HAPLN1: variants seen among roughly 807,000 people sequenced by gnomAD.
The protein encoded by HAPLN1 is hyaluronan and proteoglycan link protein 1, also known as Cartilage link protein.
Under a neutral mutation model 36.5 loss-of-function variants are expected in HAPLN1, and 13 were observed. The ratio of observed to expected loss-of-function variants is 0.36; its 90% CI spans 0.23 to 0.57. The LOEUF (loss-of-function observed/expected upper bound fraction) is 0.57, where lower values mean the gene tolerates loss of function less well. Ranked by LOEUF, HAPLN1 falls within the 20% of genes least tolerant of loss-of-function variation. The probability of loss-of-function intolerance (pLI) is 0.83; values close to 1 mark genes in which losing one functional copy is unlikely to be tolerated. For missense variants in HAPLN1, 407 were observed against 439.7 expected (o/e 0.93, Z 0.66); for synonymous variants, 202 against 169.8 (o/e 1.19, Z -1.48).
chr5:83,701,927 A>AACACACACAC (rs112813015), intron 1 of HAPLN1, among the ~76,000 whole-genome samples: 10 of 143,950 alleles, frequency 6.9e-5, no homozygotes, highest in African/African-American at 2.3e-4. Context: ...CTTCGACAAA[A>AACACACACAC]ACACACACAC....
chr5:83,655,094 A>G (rs948437349), intron 2 of HAPLN1, among the ~76,000 whole-genome samples: 2 of 152,188 alleles, frequency 1.3e-5, no homozygotes, highest in African/African-American at 2.4e-5. Context: ...ACTTATTTAT[A>G]AAGTTTTGAA....
rs115373051 is a variant in HAPLN1, at chr5:83,715,384, G to A, written c.-27+5405C>T. 9.0e-3 allele frequency among the ~76,000 whole-genome samples: 1,371 copies of A among 152,272 alleles called. 29 individuals carry two copies. Among genetic ancestry groups the A allele is most frequent in the African/African-American group, 0.031 (1,309 of 41,568 alleles). On this transcript the variant is annotated intron_variant, in intron 1 of 4. Transcript: ENST00000274341. ...AGCAGGAGTCTCGGTTTATGAGATA[G>A]AGGGGTTAGAAGGCTTGGGTAAATG... is the stretch of plus-strand genomic sequence containing the variant.
At chr5:83,690,042 C>T (rs1751235334) in intron 1 of HAPLN1, among the ~76,000 whole-genome samples, 1 of 151,976 alleles carries the variant, frequency 6.6e-6, no homozygotes, top group Non-Finnish European at 1.5e-5. Context: ...GAGCTATTTT[C>T]TGGAAGACCA....
chr5:83,671,799 C>T (rs977983098), intron 2 of HAPLN1, among the ~76,000 whole-genome samples: 33 of 152,278 alleles, frequency 2.2e-4, no homozygotes, highest in African/African-American at 6.0e-4. Context: ...AGCAACTCTT[C>T]GAGGCAAGCC....
chr5:83,660,241 A>G (rs1007067244), intron 2 of HAPLN1, among the ~76,000 whole-genome samples: 2 of 152,178 alleles, frequency 1.3e-5, no homozygotes, highest in African/African-American at 4.8e-5. Context: ...AAACTGCTCA[A>G]TACCAAAATA....
At chr5:83,720,529 C>T (rs1342169079) in intron 1 of HAPLN1, among the ~76,000 whole-genome samples, 1 of 152,180 alleles carries the variant, frequency 6.6e-6, no homozygotes, top group Admixed American at 6.5e-5. Context: ...TACAGGAGCA[C>T]TAGCAGAAGC....
chr5:83,697,632 T>A (rs1043211467), intron 1 of HAPLN1, among the ~76,000 whole-genome samples: 1 of 152,142 alleles, frequency 6.6e-6, no homozygotes, highest in Non-Finnish European at 1.5e-5. Context: ...CACGGCACTG[T>A]TTTATGTTCA....
intron 2 of HAPLN1, among the ~76,000 whole-genome samples, chr5:83,658,134 GT>G (rs1216956576): frequency 1.3e-5 from 2 of 152,058 alleles, no homozygotes; most frequent in Admixed American, 6.5e-5. Context: ...AATGCACAAG[GT>G]TTTAAAAACA....
chr5:83,684,092 A>G (rs190106375), intron 1 of HAPLN1, among the ~76,000 whole-genome samples: 1 of 152,248 alleles, frequency 6.6e-6, no homozygotes, highest in East Asian at 1.9e-4. Context: ...GACCAGCAGC[A>G]TGGCCCCTGA....
intron 1 of HAPLN1, among the ~76,000 whole-genome samples, chr5:83,694,129 A>G (rs909943574): frequency 6.6e-6 from 1 of 152,038 alleles, no homozygotes; most frequent in African/African-American, 2.4e-5. Flanking sequence ...GGTAGAAATC[A>G]AAAACAAAAA....
At chr5:83,679,939 A>G (rs1207052708) in intron 1 of HAPLN1, among the ~76,000 whole-genome samples, 2 of 152,218 alleles carry the variant, frequency 1.3e-5, no homozygotes, top group Non-Finnish European at 2.9e-5. Context: ...CGTCTCTTCT[A>G]CTTATGTTGC....
chr5:83,660,013 G>T (rs955186989), intron 2 of HAPLN1, among the ~76,000 whole-genome samples: 1 of 151,700 alleles, frequency 6.6e-6, no homozygotes, highest in African/African-American at 2.4e-5. Context: ...CCTGCCAGGG[G>T]CTACCTTCTC....
At chr5:83,672,724 C>A (rs1052204529) in intron 2 of HAPLN1, among the ~76,000 whole-genome samples, 4 of 152,152 alleles carry the variant, frequency 2.6e-5, no homozygotes, top group African/African-American at 9.7e-5. Context: ...CTGTTAAGTT[C>A]TATAATTCCT....
intron 1 of HAPLN1, among the ~76,000 whole-genome samples, chr5:83,714,775 G>A (rs566004520): frequency 7.2e-5 from 11 of 152,306 alleles, no homozygotes; most frequent in African/African-American, 2.2e-4. Flanking sequence ...ATAAGGGCTC[G>A]AAACTGTAGA....
chr5:83,681,033 G>A (rs1209931457), intron 1 of HAPLN1, among the ~76,000 whole-genome samples: 2 of 152,006 alleles, frequency 1.3e-5, no homozygotes, highest in Admixed American at 6.6e-5. Flanking sequence ...TACTCATATA[G>A]GAAAGACATT....
intron 1 of HAPLN1, among the ~76,000 whole-genome samples, chr5:83,707,462 T>C (rs1241658957): frequency 2.6e-5 from 4 of 152,102 alleles, no homozygotes; most frequent in African/African-American, 9.7e-5. Context: ...TTGACAAAAC[T>C]GATAAAAACA....
rs192529992 is a variant in HAPLN1 at position 83,638,074 on chromosome 5, A to G, written c.*3422T>C. The G allele has an allele frequency of 6.6e-6, 1 of 151,924 alleles. No homozygotes were observed. The highest frequency in any genetic ancestry group is 1.9e-4 in the East Asian group (1 of 5,172). 9.4% of individuals were successfully genotyped at this position (151,924 alleles called of 1,614,324 possible). ...GAAATGAAAATTGTACGTATTTACA[A>G]TTTGAAGTCAAATGTATCAGAACAA... On this transcript the variant is annotated 3_prime_UTR_variant, in exon 5 of 5. Coordinates refer to ENST00000274341, the MANE Select transcript of HAPLN1 (RefSeq NM_001884.4).
At chr5:83,705,951 A>G (rs1434714677) in intron 1 of HAPLN1, among the ~76,000 whole-genome samples, 1 of 152,048 alleles carries the variant, frequency 6.6e-6, no homozygotes, top group East Asian at 1.9e-4. Context: ...TACTATGAAC[A>G]CCTCTATGCA....
chr5:83,676,858 C>T (rs1238357485), intron 1 of HAPLN1, among the ~76,000 whole-genome samples: 1 of 152,128 alleles, frequency 6.6e-6, no homozygotes, highest in East Asian at 1.9e-4. Context: ...CAGCCAGCTT[C>T]AAGATGAATC....
Sources: allele counts gnomAD v4.1 joint callset (sites outside exome capture counted in the v4.1 genomes callset), GRCh38; gene constraint gnomAD v4.1.1; transcripts MANE v1.5; gene names NCBI Gene and HGNC (gene_info 2026-07-23, HGNC 2026-07-21).